The following QTGAL variants were observed in gnomAD, a reference collection of about 807,000 sequenced individuals.
QTGAL encodes the protein queuosine-tRNA galactosyltransferase.
chr17:82,957,202 G>A, the QTGAL span: 1 of 1,614,196 alleles, frequency 6.2e-7, no homozygotes, highest in Non-Finnish European at 8.5e-7. Context: ...CGTGGCAATA[G>A]AAGCCTTTCC....
chr17:82,980,929 GC>G, the QTGAL span, among the ~76,000 whole-genome samples: 16 of 152,150 alleles, frequency 1.1e-4, no homozygotes, highest in Non-Finnish European at 1.5e-5. Context: ...CTGGCAACCA[GC>G]CCCCCTCATC....
chr17:83,033,717 C>T, the QTGAL span, among the ~76,000 whole-genome samples: 1 of 152,006 alleles, frequency 6.6e-6, no homozygotes, highest in Admixed American at 6.6e-5. Context: ...GTGATCCACC[C>T]GCCTCGGCCT....
chr17:82,990,655 C>T, the QTGAL span, among the ~76,000 whole-genome samples: 1 of 152,320 alleles, frequency 6.6e-6, no homozygotes, highest in East Asian at 1.9e-4. Flanking sequence ...GGATTTTGAT[C>T]TTTAGGGATT....
chr17:83,050,384 T>TAA, the QTGAL span, among the ~76,000 whole-genome samples: 2 of 149,968 alleles, frequency 1.3e-5, no homozygotes, highest in African/African-American at 2.5e-5. Context: ...AAATAAAAAT[T>TAA]AAAAAAAAAA....
chr17:83,035,060 C>T, the QTGAL span: 111 of 1,612,684 alleles, frequency 6.9e-5, no homozygotes, highest in Admixed American at 1.2e-4. Context: ...AAGGTAAGAC[C>T]CTGAGCTCTG....
the QTGAL span, among the ~76,000 whole-genome samples, chr17:83,021,715 C>A: frequency 6.6e-6 from 1 of 152,034 alleles, no homozygotes; most frequent in Admixed American, 6.6e-5. Context: ...ATTTTGAGAG[C>A]GGTAAGAACA....
chr17:83,049,514 G>A, the QTGAL span, among the ~76,000 whole-genome samples: 2 of 148,380 alleles, frequency 1.3e-5, no homozygotes, highest in South Asian at 4.5e-4. Context: ...CCGGGTTCAC[G>A]CCATTCTCCT....
the QTGAL span, among the ~76,000 whole-genome samples, chr17:82,959,520 G>A: frequency 3.1e-3 from 477 of 152,108 alleles, 1 homozygote; most frequent in African/African-American, 0.011. Context: ...CGGCTGCGGG[G>A]ACTTCCCCAC....
the QTGAL span, among the ~76,000 whole-genome samples, chr17:82,955,433 C>T: frequency 6.6e-6 from 1 of 152,162 alleles, no homozygotes; most frequent in African/African-American, 2.4e-5. Context: ...AAATGCAAAT[C>T]AAAACCATGA....
At chr17:82,945,146 A>G in the QTGAL span, 1 of 152,214 alleles carries the variant, frequency 6.6e-6, no homozygotes, top group Admixed American at 6.5e-5. Flanking sequence ...AAAAAAACAG[A>G]GCCCCTAGAA....
the QTGAL span, among the ~76,000 whole-genome samples, chr17:82,959,891 A>G: frequency 1.3e-5 from 2 of 152,136 alleles, no homozygotes; most frequent in African/African-American, 4.8e-5. Flanking sequence ...CACATTTTAA[A>G]AAGTTCTCAT....
chr17:83,006,655 G>A, the QTGAL span: 22 of 985,344 alleles, frequency 2.2e-5, no homozygotes, highest in Non-Finnish European at 2.4e-5. This position sits in a 1 kb window ranked among gnomAD's most constrained non-coding sequence, Gnocchi z 5.8. Flanking sequence ...CGCCGTGGCT[G>A]TGCTCTCCAG....
chr17:83,031,199 T>C, the QTGAL span, among the ~76,000 whole-genome samples: 2 of 152,118 alleles, frequency 1.3e-5, no homozygotes, highest in Non-Finnish European at 2.9e-5. Context: ...CGTCAGGCAC[T>C]GATCCATCAG....
At chr17:83,011,123 C>G in the QTGAL span, among the ~76,000 whole-genome samples, 2 of 152,200 alleles carry the variant, frequency 1.3e-5, no homozygotes, top group African/African-American at 4.8e-5. Flanking sequence ...CCGATGTCTC[C>G]TGAGCCCAGG....
chr17:83,043,692 AAAC>A, the QTGAL span, among the ~76,000 whole-genome samples: 3 of 152,218 alleles, frequency 2.0e-5, no homozygotes, highest in Non-Finnish European at 4.4e-5. Flanking sequence ...AACAATGACA[AAAC>A]AATAGCAAAT....
the QTGAL span, among the ~76,000 whole-genome samples, chr17:83,032,049 C>T: frequency 7.9e-5 from 12 of 152,106 alleles, no homozygotes; most frequent in Admixed American, 2.0e-4. Context: ...CCAGGCCAGG[C>T]CTCCGACGCA....
the QTGAL span, among the ~76,000 whole-genome samples, chr17:82,983,526 G>A: frequency 6.6e-6 from 1 of 152,154 alleles, no homozygotes; most frequent in Admixed American, 6.5e-5. Flanking sequence ...ACAGAACCAT[G>A]AGATCAGAAA....
the QTGAL span, among the ~76,000 whole-genome samples, chr17:83,026,679 G>A: frequency 2.5e-3 from 93 of 37,060 alleles, no homozygotes; most frequent in African/African-American, 5.7e-3. Flanking sequence ...GAGCAGGGCG[G>A]GGAGCCTGCA....
the QTGAL span, among the ~76,000 whole-genome samples, chr17:82,984,160 C>T: frequency 1.1e-5 from 1 of 90,676 alleles, no homozygotes. Flanking sequence ...GGAGAGGCCA[C>T]GTGAGCACAC....
Sources: allele counts gnomAD v4.1 joint callset (sites outside exome capture counted in the v4.1 genomes callset), GRCh38; gene constraint gnomAD v4.1.1; non-coding constraint Gnocchi (gnomAD v3.1); transcripts MANE v1.5; gene names NCBI Gene and HGNC (gene_info 2026-07-23, HGNC 2026-07-21).